OCA2: variants seen among roughly 807,000 people sequenced by gnomAD.
OCA2 encodes the protein OCA2 melanosomal transmembrane protein.
A neutral mutation model predicts 100.2 loss-of-function variants in OCA2; 77 were observed. That is an observed-to-expected ratio of 0.77 (90% CI 0.64 to 0.93). The LOEUF (loss-of-function observed/expected upper bound fraction) is 0.93. OCA2 is among the 40% of genes least tolerant of loss of function. The pLI is 0.00. For missense variants in OCA2, 1,062 were observed against 1,089.1 expected (o/e 0.98, Z 0.35); for synonymous variants, 432 against 439.2 (o/e 0.98, Z 0.21).
At chr15:27,854,311 G>A (rs1473309389) in intron 21 of OCA2, among the ~76,000 whole-genome samples, 2 of 152,172 alleles carry the variant, frequency 1.3e-5, no homozygotes, top group Admixed American at 6.5e-5. Context: ...GTCCAGACCA[G>A]GAAGCTGCAG....
chr15:27,849,754 G>A (rs900526703), intron 22 of OCA2, among the ~76,000 whole-genome samples: 20 of 152,086 alleles, frequency 1.3e-4, no homozygotes, highest in East Asian at 5.8e-4. Context: ...GCTGCGCAAC[G>A]CTGTGAATGT....
At chr15:27,897,240 A>G (rs959577553) in intron 19 of OCA2, among the ~76,000 whole-genome samples, 18 of 151,172 alleles carry the variant, frequency 1.2e-4, no homozygotes, top group African/African-American at 4.1e-4. Flanking sequence ...TCACAGGCCC[A>G]GAGGCCTAAA....
At position 27,983,525 on chromosome 15, in the gene OCA2, C is replaced by T. The variant is rs1057120103; in HGVS notation, c.1365-42G>A. Reference sequence around the variant, plus strand: ...AAAATGAAAGTAGTCCCACTATACACATCGTGAAAGGCCCACATGCAACCC... The same window carrying T: ...AAAATGAAAGTAGTCCCACTATACATATCGTGAAAGGCCCACATGCAACCC... On this transcript the variant is annotated intron_variant, in intron 13 of 23. Transcript: ENST00000354638. 4 of 1,611,534 alleles carry T rather than the reference C, an allele frequency of 2.5e-6. 1 individual carries two copies. Among genetic ancestry groups the T allele is most frequent in the South Asian group, 2.2e-5 (2 of 91,064 alleles).
intron 18 of OCA2, among the ~76,000 whole-genome samples, chr15:27,946,264 C>T (rs1370404781): frequency 2.0e-5 from 3 of 152,168 alleles, no homozygotes; most frequent in African/African-American, 2.4e-5. Context: ...AGCAAGCTAA[C>T]GATGGCCTGA....
intron 23 of OCA2, among the ~76,000 whole-genome samples, chr15:27,801,143 C>A (rs1306181175): frequency 1.3e-5 from 2 of 152,118 alleles, no homozygotes; most frequent in East Asian, 3.8e-4. Flanking sequence ...TTAAATGAGG[C>A]CATAATTACC....
intron 11 of OCA2, 29 bp downstream of exon 11, chr15:27,989,572 C>G: frequency 6.2e-7 from 1 of 1,604,706 alleles, no homozygotes; most frequent in Admixed American, 1.7e-5. Context: ...AGGCGTGGAG[C>G]CCAGTCCCAC....
intron 23 of OCA2, among the ~76,000 whole-genome samples, chr15:27,786,016 A>G (rs192234178): frequency 2.0e-5 from 3 of 152,224 alleles, no homozygotes; most frequent in African/African-American, 7.2e-5. Flanking sequence ...GATTCTATTT[A>G]TTTGAAATAT....
chr15:27,771,609 A>G (rs2031873090), intron 23 of OCA2, among the ~76,000 whole-genome samples: 2 of 152,240 alleles, frequency 1.3e-5, no homozygotes, highest in Non-Finnish European at 2.9e-5. Context: ...GGGAGATCCC[A>G]AAGACAGTAT....
At chr15:28,036,718 G>A (rs557027069) in intron 2 of OCA2, among the ~76,000 whole-genome samples, 11 of 152,098 alleles carry the variant, frequency 7.2e-5, no homozygotes, top group Non-Finnish European at 1.6e-4. Context: ...GCTAAAAAAT[G>A]TTGAAAATAT....
At chr15:27,720,551 T>C in the OCA2 span, among the ~76,000 whole-genome samples, 1 of 151,256 alleles carries the variant, frequency 6.6e-6, no homozygotes, top group African/African-American at 2.4e-5. Flanking sequence ...TTTATATATA[T>C]ACATATATAT....
the OCA2 span, among the ~76,000 whole-genome samples, chr15:27,724,060 C>T: frequency 6.6e-6 from 1 of 152,124 alleles, no homozygotes; most frequent in Non-Finnish European, 1.5e-5. Flanking sequence ...TGGATGATCT[C>T]TGGGGATATT....
At chr15:27,938,727 C>A (rs192700748) in intron 18 of OCA2, among the ~76,000 whole-genome samples, 3 of 152,306 alleles carry the variant, frequency 2.0e-5, no homozygotes, top group Admixed American at 2.0e-4. Context: ...TGAATGCCAG[C>A]TCATTCACAT....
the OCA2 span, among the ~76,000 whole-genome samples, chr15:27,724,042 A>T: frequency 6.6e-6 from 1 of 152,100 alleles, no homozygotes; most frequent in South Asian, 2.1e-4. Context: ...ATCATGAACC[A>T]CGTGACTTGG....
chr15:28,025,681 T>C (rs1440678045), intron 4 of OCA2, among the ~76,000 whole-genome samples: 2 of 152,204 alleles, frequency 1.3e-5, no homozygotes, highest in East Asian at 3.8e-4. Context: ...AATGGCACCA[T>C]CACTGCCCAG....
At chr15:27,753,462 G>A (rs1354216524), downstream of OCA2, among the ~76,000 whole-genome samples, 1 of 152,208 alleles carries the variant, frequency 6.6e-6, no homozygotes. Context: ...GGCCGGGCAC[G>A]GTGGCTCATG....
At chr15:27,986,552 C>T (rs765369448) in intron 12 of OCA2, 35 bp downstream of exon 12, 2 of 1,241,138 alleles carry the variant, frequency 1.6e-6, no homozygotes, top group Non-Finnish European at 2.4e-6. Flanking sequence ...ATAAATTAAT[C>T]AGGATAGAAT....
At chr15:27,824,770 C>T (rs2034653621) in intron 23 of OCA2, among the ~76,000 whole-genome samples, 1 of 151,846 alleles carries the variant, frequency 6.6e-6, no homozygotes, top group East Asian at 2.0e-4. Flanking sequence ...TTGAAGCCTG[C>T]CTCGCACACG....
chr15:28,035,320 A>G (rs906730723), intron 2 of OCA2, among the ~76,000 whole-genome samples: 2 of 152,218 alleles, frequency 1.3e-5, no homozygotes, highest in African/African-American at 2.4e-5. Context: ...GCAATTTCCT[A>G]AAGAGACTTT....
the OCA2 span, among the ~76,000 whole-genome samples, chr15:27,733,638 T>G: frequency 7.9e-5 from 12 of 152,336 alleles, no homozygotes; most frequent in East Asian, 1.7e-3. Context: ...AGCAGGGGTC[T>G]TTGTATTGCT....
Sources: allele counts gnomAD v4.1 joint callset (sites outside exome capture counted in the v4.1 genomes callset), GRCh38; gene constraint gnomAD v4.1.1; transcripts MANE v1.5; gene names NCBI Gene and HGNC (gene_info 2026-07-23, HGNC 2026-07-21).